The following PIEZO1 variants were observed in gnomAD, a reference collection of about 807,000 sequenced individuals.
The protein encoded by PIEZO1 is piezo-type mechanosensitive ion channel component 1.
In PIEZO1, 296 loss-of-function variants were observed where a neutral mutation model predicts 297.2. The ratio of observed to expected loss-of-function variants is 1.00; its 90% CI spans 0.91 to 1.10. The LOEUF (loss-of-function observed/expected upper bound fraction) is 1.10. Ranked by LOEUF, PIEZO1 falls within the 50% of genes least tolerant of loss-of-function variation. The probability of loss-of-function intolerance (pLI) is 0.00; values close to 1 mark genes in which losing one functional copy is unlikely to be tolerated. For missense variants in PIEZO1, 5,018 were observed against 3,455.5 expected (o/e 1.45, Z -11.34); for synonymous variants, 2,427 against 1,507.5 (o/e 1.61, Z -14.13).
chr16:88,726,079 G>A (rs889859719), intron 27 of PIEZO1: 4 of 593,900 alleles, frequency 6.7e-6, no homozygotes, highest in African/African-American at 5.6e-5. Context: ...GCAGCCTGTG[G>A]TCTCTGACAG....
In PIEZO1 at chr16:88,732,383, G is replaced by A. The variant is rs1052182145; in HGVS notation, c.2943C>T (p.Gly981=). 6.5e-7 allele frequency: 1 copy of A among 1,549,800 alleles called. No individual in the cohort carries two copies. The highest frequency in any genetic ancestry group is 1.4e-5 in the African/African-American group (1 of 73,156). Residue 981 remains glycine (G), a synonymous_variant, in exon 21 of 51, where the codon GGC becomes GGT. Coordinates refer to ENST00000301015, the MANE Select transcript of PIEZO1 (RefSeq NM_001142864.4). ...TRQQLDQDLL[G]CLKYFINFFF... Reference sequence around the variant, plus strand: ...AGAAGTTGATGAAGTACTTGAGGCAGCCGAGCAGATCCTGGTCCAGCTGCT... The same window carrying A: ...AGAAGTTGATGAAGTACTTGAGGCAACCGAGCAGATCCTGGTCCAGCTGCT...
At chr16:88,774,198 C>T (rs543140568) in intron 1 of PIEZO1, among the ~76,000 whole-genome samples, 4 of 152,286 alleles carry the variant, frequency 2.6e-5, no homozygotes, top group East Asian at 1.9e-4. Flanking sequence ...CACAGGATGG[C>T]GACGCCCAGT....
Position 88,719,933 on chromosome 16 carries a change from C to G in PIEZO1, c.6192G>C (p.Gln2064His), listed in dbSNP as rs1390846370. Reference sequence around the variant, plus strand: ...AGATGCACTTCACGAAGTACCAGAGCTGGGCCACCACATTCTGGTTGAACA... The same window carrying G: ...AGATGCACTTCACGAAGTACCAGAGGTGGGCCACCACATTCTGGTTGAACA... ...ERMFNQNVVA[Q>H]LWYFVKCIYF... Residue 2064 changes from glutamine to histidine, a missense_variant, in exon 43 of 51, where the codon CAG becomes CAC. Physicochemically the swap from Gln to His is conservative, Grantham distance 24. Coordinates refer to ENST00000301015, the MANE Select transcript of PIEZO1 (RefSeq NM_001142864.4). 1.3e-6 allele frequency: 2 copies of G among 1,550,268 alleles called. No individual in the cohort carries two copies. Among genetic ancestry groups the G allele is most frequent in the Non-Finnish European group, 1.7e-6 (2 of 1,146,960 alleles).
rs1912061289 is a variant in PIEZO1 at position 88,716,670 on chromosome 16, C to T, written c.6815G>A (p.Gly2272Asp). Residue 2272 changes from glycine to aspartate, a missense_variant, in exon 47 of 51, where the codon GGC (glycine) becomes GAC (aspartate). By Grantham distance (94) the Gly-to-Asp change is moderately conservative. Transcript: ENST00000301015. Reference sequence around the variant, plus strand: ...GATGCGCCACAGCGCCCCGGAGCTGCCCTCAATCTGCGCCGTGACGATGTC... The same window carrying T: ...GATGCGCCACAGCGCCCCGGAGCTGTCCTCAATCTGCGCCGTGACGATGTC... Reference protein sequence around the residue: ...PEDIVTAQIEGSSGALWRISP... With the variant: ...PEDIVTAQIEDSSGALWRISP... 1.3e-6 allele frequency: 2 copies of T among 1,549,204 alleles called. No homozygotes were observed. The highest frequency in any genetic ancestry group is 2.0e-5 in the Admixed American group (1 of 51,010).
At position 88,717,139 on chromosome 16, in the gene PIEZO1, A is replaced by G; in HGVS notation, c.6544T>C (p.Phe2182Leu). The part of the protein sequence containing the change: ...KYGMGGLIIL[F>L]LIAIIWFPLL... The stretch of plus-strand genomic sequence containing the variant: ...GGGAACCAGATGATGGCGATGAGGA[A>G]GAGGATGATGAGGCCACCCATGCCG... Residue 2182 changes from phenylalanine to leucine, a missense_variant, in exon 45 of 51, where the codon TTC (phenylalanine) becomes CTC (leucine). By Grantham distance (22) the Phe-to-Leu change is conservative. Coordinates refer to ENST00000301015, the MANE Select transcript of PIEZO1 (RefSeq NM_001142864.4). 6.4e-7 allele frequency: 1 copy of G among 1,551,390 alleles called. No individual in the cohort carries two copies. The highest frequency in any genetic ancestry group is 1.2e-5 in the South Asian group (1 of 84,070).
chr16:88,732,328 G>A lies in PIEZO1; in HGVS notation c.2991+7C>T, dbSNP rs1391045445. The A allele has an allele frequency of 1.9e-6, 3 of 1,547,486 alleles. No homozygotes were observed. The highest frequency in any genetic ancestry group is 2.7e-5 in the African/African-American group (2 of 72,938). Reference sequence around the variant, plus strand: ...TGCCCCAGGGGGAGGCAATGTCCTTGCCTCACCTCCAGCCCGAATTTGTAG... The same window carrying A: ...TGCCCCAGGGGGAGGCAATGTCCTTACCTCACCTCCAGCCCGAATTTGTAG... On this transcript the variant is annotated splice_region_variant and intron_variant, in intron 21 of 50. Coordinates refer to ENST00000301015, the MANE Select transcript of PIEZO1 (RefSeq NM_001142864.4).
chr16:88,748,968 T>C (rs183261694), intron 2 of PIEZO1, among the ~76,000 whole-genome samples: 10,804 of 128,326 alleles, frequency 0.084, 492 homozygotes, highest in Middle Eastern at 0.17. Context: ...CCGGGCGCGG[T>C]GGCTCACGTC....
At position 88,719,315 on chromosome 16, in the gene PIEZO1, C is replaced by T. The variant is rs543861258; in HGVS notation, c.6471+259G>A. On this transcript the variant is annotated intron_variant, in intron 44 of 50. Transcript: ENST00000301015. ...AACAGTGGCTGTCCGGTCCTCCCTG[C>T]ACCAGGCCCTGCTCTGCTGCCAGCC... The T allele has an allele frequency of 6.3e-4, 319 of 505,436 alleles. 3 individuals are homozygous for T. In the South Asian group the frequency reaches 7.1e-3, roughly 11 times the overall value. The allele number at this position is 505,436 out of a possible 1,614,324, so 31.3% of individuals were successfully genotyped here. A position where few individuals can be genotyped will look rare whatever the true frequency, so the allele number is the denominator to read the frequency against.
At chr16:88,734,627 C>T (rs1905083800) in intron 15 of PIEZO1, 23 bp downstream of exon 15, 4 of 1,549,820 alleles carry the variant, frequency 2.6e-6, no homozygotes, top group Admixed American at 2.0e-5. Flanking sequence ...CGCCCCTGCC[C>T]CACCGCCCCA....
chr16:88,715,435 G>T lies in PIEZO1; in HGVS notation c.*170C>A. The T allele has an allele frequency of 1.1e-6, 1 of 921,294 alleles. No homozygotes were observed. Among genetic ancestry groups the T allele is most frequent in the Non-Finnish European group, 1.6e-6 (1 of 620,534 alleles). 57.1% of individuals were successfully genotyped at this position (921,294 alleles called of 1,614,324 possible). A position where few individuals can be genotyped will look rare whatever the true frequency, so the allele number is the denominator to read the frequency against. ...GCAGCGCCACGCAGGCCGTGGGGACGCAGTGTCCTTCTCTGACAGCAGCAT... is the reference window on the plus strand; with the variant it reads ...GCAGCGCCACGCAGGCCGTGGGGACTCAGTGTCCTTCTCTGACAGCAGCAT... On this transcript the variant is annotated 3_prime_UTR_variant, in exon 51 of 51. Coordinates refer to ENST00000301015, the MANE Select transcript of PIEZO1 (RefSeq NM_001142864.4).
intron 22 of PIEZO1, among the ~76,000 whole-genome samples, chr16:88,730,216 G>A (rs149386915): frequency 2.6e-5 from 4 of 152,352 alleles, no homozygotes; most frequent in African/African-American, 4.8e-5. Flanking sequence ...CCTAGAACTC[G>A]ATTGGGCTCC....
At chr16:88,772,986 G>A (rs775278038) in intron 1 of PIEZO1, among the ~76,000 whole-genome samples, 23 of 152,176 alleles carry the variant, frequency 1.5e-4, no homozygotes, top group Non-Finnish European at 2.9e-4. Context: ...CTGGCCCCAG[G>A]GGTGCCTGGA....
rs751437612 is a variant in PIEZO1, at chr16:88,722,686, C to T, written c.4672G>A (p.Gly1558Ser). Reference protein sequence around the residue: ...YLLTQELLQGGEVHRGVLDQL... With the variant: ...YLLTQELLQGSEVHRGVLDQL... ...TCCAGCACGCCCCTGTGCACTTCGC[C>T]GCCCTGCAGGGCACAGCAGGGGGCT... The change falls in exon 35 of 51, where the codon GGC (glycine) becomes AGC (serine). Residue 1558 changes from glycine to serine, a missense_variant. Transcript: ENST00000301015. 18 of 1,536,842 alleles carry T rather than the reference C, an allele frequency of 1.2e-5. No individual in the cohort carries two copies. Among genetic ancestry groups the T allele is most frequent in the Admixed American group, 3.9e-5 (2 of 50,932 alleles).
At chr16:88,744,721 G>C (rs1366224279) in intron 2 of PIEZO1, among the ~76,000 whole-genome samples, 2 of 151,890 alleles carry the variant, frequency 1.3e-5, no homozygotes, top group African/African-American at 4.8e-5. Flanking sequence ...GGCCATGTTA[G>C]AACAGCTGGG....
rs767518948 is a variant in PIEZO1 at position 88,716,346 on chromosome 16, G to C, written c.7049+15C>G. 1.3e-6 allele frequency: 2 copies of C among 1,519,818 alleles called. No individual in the cohort carries two copies. Among genetic ancestry groups the C allele is most frequent in the East Asian group, 2.5e-5 (1 of 40,548 alleles). The allele number at this position is 1,519,818 out of a possible 1,614,324, so 94.1% of individuals were successfully genotyped here. A position where few individuals can be genotyped will look rare whatever the true frequency, so the allele number is the denominator to read the frequency against. Reference sequence around the variant, plus strand: ...GGCACAGCCCTCCTGCCCACCACCCGGGCCCTTCACTCACACAGACTGGTC... The same window carrying C: ...GGCACAGCCCTCCTGCCCACCACCCCGGCCCTTCACTCACACAGACTGGTC... On this transcript the variant is annotated intron_variant, in intron 48 of 50. Transcript: ENST00000301015.
chr16:88,725,395 CCCGACTCCAGCTGCACT>C lies in PIEZO1; in HGVS notation c.4162+4_4162+20del. ...CATGCTGGACACGGGGCCCTGGGTG[CCCGACTCCAGCTGCACT>C]CACCTGGCTCCAGGCCGGGGTCCTT... On this transcript the variant is annotated splice_donor_5th_base_variant and intron_variant, in intron 29 of 50. Coordinates refer to ENST00000301015, the MANE Select transcript of PIEZO1 (RefSeq NM_001142864.4). 1 of 1,377,692 alleles carries C rather than the reference CCCGACTCCAGCTGCACT, an allele frequency of 7.3e-7. No homozygotes were observed. Among genetic ancestry groups the C allele is most frequent in the East Asian group, 2.5e-5 (1 of 39,266 alleles). 85.3% of individuals were successfully genotyped at this position (1,377,692 alleles called of 1,614,324 possible).
chr16:88,762,823 A>G (rs6500500), intron 1 of PIEZO1, among the ~76,000 whole-genome samples: 103,111 of 152,062 alleles, frequency 0.68, 35,888 homozygotes, highest in African/African-American at 0.84. Flanking sequence ...GACCAGGCCT[A>G]GCTGAGAAGG....
chr16:88,739,045 A>G (rs1905455339), intron 5 of PIEZO1: 1 of 463,012 alleles, frequency 2.2e-6, no homozygotes, highest in Non-Finnish European at 3.9e-6. Context: ...CAGACAGACC[A>G]CAGACTGTCC....
intron 10 of PIEZO1, 91 bp from the exon 11 acceptor site, chr16:88,736,830 A>G: frequency 1.3e-6 from 1 of 787,304 alleles, no homozygotes; most frequent in Middle Eastern, 2.6e-4. Context: ...CTGGGCAAGC[A>G]CACAGCAGGA....
Sources: allele counts gnomAD v4.1 joint callset (sites outside exome capture counted in the v4.1 genomes callset), GRCh38; gene constraint gnomAD v4.1.1; transcripts MANE v1.5; gene names NCBI Gene and HGNC (gene_info 2026-07-23, HGNC 2026-07-21).